ESRRB: variants seen among roughly 807,000 people sequenced by gnomAD.
ESRRB encodes estrogen related receptor beta.
In ESRRB, 16 loss-of-function variants were observed where a neutral mutation model predicts 46.0. That is an observed-to-expected ratio of 0.35 (90% CI 0.24 to 0.53). The LOEUF (loss-of-function observed/expected upper bound fraction) is 0.53, where lower values mean the gene tolerates loss of function less well. Among genes scored for constraint, ESRRB ranks in the 20% least tolerant of loss-of-function variants. The pLI is 0.93. For missense variants in ESRRB, 488 were observed against 607.4 expected (o/e 0.80, Z 2.07); for synonymous variants, 246 against 259.6 (o/e 0.95, Z 0.50).
chr14:76,338,156 G>T (rs909154893), intron 1 of ESRRB, among the ~76,000 whole-genome samples: 7 of 152,240 alleles, frequency 4.6e-5, no homozygotes, highest in African/African-American at 1.7e-4. Context: ...TCCTGCTCCA[G>T]AAACGCATTA....
chr14:76,480,298 G>A (rs1889756118), intron 3 of ESRRB, among the ~76,000 whole-genome samples: 1 of 152,176 alleles, frequency 6.6e-6, no homozygotes, highest in Non-Finnish European at 1.5e-5. Context: ...AAAATGAGGA[G>A]TTGTGGGCTC....
intron 1 of ESRRB, among the ~76,000 whole-genome samples, chr14:76,403,178 T>C (rs747232611): frequency 6.6e-6 from 1 of 152,230 alleles, no homozygotes; most frequent in Non-Finnish European, 1.5e-5. Flanking sequence ...TCATTTAATC[T>C]TTTCAACCAC....
intron 1 of ESRRB, among the ~76,000 whole-genome samples, chr14:76,416,448 T>TC (rs1456691574): frequency 6.6e-6 from 1 of 151,752 alleles, no homozygotes; most frequent in Non-Finnish European, 1.5e-5. Context: ...TAGCATTTTT[T>TC]CCCCCCGTCT....
chr14:76,380,030 T>C (rs993908365), intron 1 of ESRRB, among the ~76,000 whole-genome samples: 5 of 152,164 alleles, frequency 3.3e-5, no homozygotes, highest in African/African-American at 1.2e-4. Flanking sequence ...AGAGATTTCA[T>C]GTCACACCCT....
At chr14:76,371,277 A>T (rs1198317735), upstream of ESRRB, 1 of 152,298 alleles carries the variant, frequency 6.6e-6, no homozygotes, top group Non-Finnish European at 1.5e-5. Flanking sequence ...ATGGGCTAGC[A>T]GTCTGCTGAC....
intron 1 of ESRRB, among the ~76,000 whole-genome samples, chr14:76,387,787 T>C (rs903216236): frequency 1.3e-5 from 2 of 152,170 alleles, no homozygotes; most frequent in Admixed American, 1.3e-4. Flanking sequence ...CTCTGGGGAA[T>C]CATTTTAGGA....
intron 1 of ESRRB, among the ~76,000 whole-genome samples, chr14:76,418,130 A>G (rs1165378192): frequency 6.6e-6 from 1 of 151,428 alleles, no homozygotes; most frequent in Non-Finnish European, 1.5e-5. Flanking sequence ...TAATTTTTGT[A>G]TTTTTAGTAA....
intron 1 of ESRRB, among the ~76,000 whole-genome samples, chr14:76,431,032 C>G (rs891435983): frequency 1.3e-5 from 2 of 152,212 alleles, no homozygotes; most frequent in African/African-American, 2.4e-5. Flanking sequence ...CCTGATGGCT[C>G]ATGCCTGTAA....
rs142149377 is a variant in ESRRB at position 76,496,905 on chromosome 14, A to G, written c.1121-1309A>G. Among the ~76,000 whole-genome samples the G allele has an allele frequency of 1.1e-4, 16 of 152,370 alleles. No individual in the cohort carries two copies. In the East Asian group the frequency reaches 2.5e-3, roughly 24 times the overall value. ...CCCCAAAGCTCCCTGACAGCAGGAA[A>G]AATTCATAGCCATTGATTTTGTAAT... On this transcript the variant is annotated intron_variant, in intron 6 of 6. Coordinates refer to ENST00000644823, the MANE Select transcript of ESRRB (RefSeq NM_001379180.1).
intron 1 of ESRRB, among the ~76,000 whole-genome samples, chr14:76,379,126 G>A (rs564295230): frequency 6.2e-4 from 94 of 152,300 alleles, no homozygotes; most frequent in Non-Finnish European, 2.1e-4. Context: ...CACACACAGA[G>A]AGAAACATAC....
rs147782735 is a variant in ESRRB at position 76,318,839 on chromosome 14, C to T, written c.2+7923C>T. Among the ~76,000 whole-genome samples the T allele has an allele frequency of 4.6e-4, 70 of 152,308 alleles. No homozygotes were observed. The East Asian group carries it at 6.0e-3, about 13-fold the overall frequency. On this transcript the variant is annotated intron_variant, in intron 1 of 6. Transcript: ENST00000512784. Reference sequence around the variant, plus strand: ...TTCCTACATTCCTCCCAGAGTCCCCCGGACAGCTTGCCAGTATAGCAGAAG... The same window carrying T: ...TTCCTACATTCCTCCCAGAGTCCCCTGGACAGCTTGCCAGTATAGCAGAAG...
chr14:76,320,066 T>C (rs12590892), intron 1 of ESRRB, among the ~76,000 whole-genome samples: 62,430 of 152,052 alleles, frequency 0.41, 13,927 homozygotes, highest in South Asian at 0.53. Context: ...ATGCTTTGGC[T>C]TCCTCAGTTT....
chr14:76,399,168 G>A (rs933551103), intron 1 of ESRRB, among the ~76,000 whole-genome samples: 2 of 152,096 alleles, frequency 1.3e-5, no homozygotes, highest in Non-Finnish European at 2.9e-5. Context: ...TGAGGGAGAC[G>A]GGGGTGGCTT....
chr14:76,399,909 T>G (rs1408608650), intron 1 of ESRRB, among the ~76,000 whole-genome samples: 1 of 152,034 alleles, frequency 6.6e-6, no homozygotes. Flanking sequence ...GGAGGTCATA[T>G]AGGTGTCCAG....
intron 1 of ESRRB, among the ~76,000 whole-genome samples, chr14:76,337,868 T>TG (rs1295487625): frequency 6.6e-6 from 1 of 152,212 alleles, no homozygotes; most frequent in Non-Finnish European, 1.5e-5. Flanking sequence ...GGGTTTTGTG[T>TG]GGACACAAGC....
chr14:76,343,355 G>A (rs114583657), intron 1 of ESRRB, among the ~76,000 whole-genome samples: 1,563 of 152,326 alleles, frequency 0.01, 28 homozygotes, highest in African/African-American at 0.036. Flanking sequence ...TTGAGAACAT[G>A]GACTCTGAAG....
At chr14:76,408,591 CAAAAAAAAAAAA>C (rs35955826) in intron 1 of ESRRB, among the ~76,000 whole-genome samples, 6 of 42,152 alleles carry the variant, frequency 1.4e-4, no homozygotes, top group South Asian at 1.7e-3. Flanking sequence ...GACCCTGTCT[CAAAAAAAAAAAA>C]AAAAAAAAAA....
intron 5 of ESRRB, among the ~76,000 whole-genome samples, chr14:76,486,431 T>C (rs1185650605): frequency 1.3e-5 from 2 of 152,234 alleles, no homozygotes; most frequent in Non-Finnish European, 2.9e-5. Context: ...TGACAGCAGC[T>C]GTGTCTGAAG....
chr14:76,430,856 C>T (rs577358717), intron 1 of ESRRB, among the ~76,000 whole-genome samples: 1 of 152,330 alleles, frequency 6.6e-6, no homozygotes, highest in South Asian at 2.1e-4. Context: ...TCAGCCTGAC[C>T]CAGATTCTTG....
Sources: allele counts gnomAD v4.1 joint callset (sites outside exome capture counted in the v4.1 genomes callset), GRCh38; gene constraint gnomAD v4.1.1; transcripts MANE v1.5; gene names NCBI Gene and HGNC (gene_info 2026-07-23, HGNC 2026-07-21).